KLHL1: variants seen among roughly 807,000 people sequenced by gnomAD.
KLHL1 encodes kelch-like protein 1.
KLHL1 carries 47 observed loss-of-function variants against 77.7 expected under a neutral mutation model. The ratio of observed to expected loss-of-function variants is 0.60; its 90% CI spans 0.48 to 0.77. The LOEUF (loss-of-function observed/expected upper bound fraction) is 0.77. KLHL1 is among the 30% of genes least tolerant of loss of function. KLHL1 has a pLI of 0.00. For missense variants in KLHL1, 925 were observed against 910.8 expected, an observed-to-expected ratio of 1.02 and a Z score of -0.20; for synonymous variants, 360 against 325.2, an observed-to-expected ratio of 1.11 and a Z score of -1.15.
chr13:70,075,300 G>A (rs991501622), intron 1 of KLHL1, among the ~76,000 whole-genome samples: 1 of 151,058 alleles, frequency 6.6e-6, no homozygotes, highest in Admixed American at 6.6e-5. Context: ...TCTTAGAGCT[G>A]CTCTCAGAAT....
chr13:69,936,580 G>A (rs368181631), intron 4 of KLHL1, among the ~76,000 whole-genome samples: 7 of 126,052 alleles, frequency 5.6e-5, no homozygotes, highest in South Asian at 4.9e-4. Flanking sequence ...CAGACAGAAC[G>A]AGACTCCATC....
intron 1 of KLHL1, among the ~76,000 whole-genome samples, chr13:70,007,141 A>G (rs1443056936): frequency 1.3e-5 from 2 of 152,028 alleles, no homozygotes. Context: ...ACAATATGAG[A>G]ACTTATCAAC....
chr13:70,033,565 C>G (rs1886165216), intron 1 of KLHL1, among the ~76,000 whole-genome samples: 1 of 148,816 alleles, frequency 6.7e-6, no homozygotes, highest in Non-Finnish European at 1.5e-5. Context: ...CTTGGCCTCC[C>G]AAAGTGCTGG....
chr13:69,833,733 A>C (rs2138098691), intron 6 of KLHL1, among the ~76,000 whole-genome samples: 1 of 125,536 alleles, frequency 8.0e-6, no homozygotes, highest in Admixed American at 9.5e-5. Context: ...CAATGAGTGG[A>C]TAAAGAAATA....
intron 1 of KLHL1, among the ~76,000 whole-genome samples, chr13:70,097,978 GAAT>G (rs1197829988): frequency 6.6e-6 from 1 of 151,262 alleles, no homozygotes; most frequent in Non-Finnish European, 1.5e-5. Context: ...TTACATGTCA[GAAT>G]AATGATGCTG....
chr13:69,920,774 A>T (rs1882606204), intron 4 of KLHL1, among the ~76,000 whole-genome samples: 1 of 152,106 alleles, frequency 6.6e-6, no homozygotes, highest in Non-Finnish European at 1.5e-5. Flanking sequence ...TAAGAAAAAT[A>T]AGAGAAGGTC....
intron 4 of KLHL1, among the ~76,000 whole-genome samples, chr13:69,926,167 G>A (rs1001699021): frequency 3.9e-5 from 6 of 152,140 alleles, no homozygotes; most frequent in African/African-American, 7.2e-5. Context: ...TAGGGGAGAT[G>A]CTCTCAAACA....
At chr13:69,701,795 G>C in intron 10 of KLHL1, 34 bp from the exon 11 acceptor site, 1 of 1,433,942 alleles carries the variant, frequency 7.0e-7, no homozygotes, top group Non-Finnish European at 9.6e-7. Context: ...CTTAAGACAA[G>C]TTTTCATAGA....
chr13:69,708,076 A>G (rs1307336071), intron 9 of KLHL1, among the ~76,000 whole-genome samples: 1 of 152,012 alleles, frequency 6.6e-6, no homozygotes, highest in African/African-American at 2.4e-5. Flanking sequence ...TGTCAGATAT[A>G]TAAATAACTA....
chr13:69,971,971 A>G (rs189032175), intron 2 of KLHL1, among the ~76,000 whole-genome samples: 154 of 152,154 alleles, frequency 1.0e-3, no homozygotes, highest in African/African-American at 3.4e-3. Flanking sequence ...GATCAAGAAA[A>G]CAAAAGTTTT....
chr13:69,744,602 T>C (rs1331654961), intron 7 of KLHL1, among the ~76,000 whole-genome samples: 8 of 151,610 alleles, frequency 5.3e-5, no homozygotes, highest in Non-Finnish European at 1.2e-4. Context: ...AGAATATCCC[T>C]GTATACCTAT....
At chr13:70,003,018 T>C (rs910160403) in intron 1 of KLHL1, among the ~76,000 whole-genome samples, 1 of 151,632 alleles carries the variant, frequency 6.6e-6, no homozygotes, top group Non-Finnish European at 1.5e-5. Context: ...AAATAATACC[T>C]AGATTTTACA....
At chr13:70,031,396 A>C (rs1256548948) in intron 1 of KLHL1, among the ~76,000 whole-genome samples, 1 of 152,210 alleles carries the variant, frequency 6.6e-6, no homozygotes, top group Non-Finnish European at 1.5e-5. Flanking sequence ...TCTCTGGATG[A>C]GAAAAAAAAT....
chr13:69,994,602 A>G (rs771678672), intron 1 of KLHL1, among the ~76,000 whole-genome samples: 13 of 152,152 alleles, frequency 8.5e-5, no homozygotes, highest in Non-Finnish European at 1.3e-4. Context: ...GTACTAATGT[A>G]TATGGAAAAG....
chr13:69,770,230 C>T (rs1875499571), intron 7 of KLHL1, among the ~76,000 whole-genome samples: 1 of 152,180 alleles, frequency 6.6e-6, no homozygotes, highest in Non-Finnish European at 1.5e-5. Context: ...ATGCCTGGTC[C>T]AGATGTGGGC....
At chr13:70,050,079 C>A (rs1366295398) in intron 1 of KLHL1, among the ~76,000 whole-genome samples, 2 of 151,686 alleles carry the variant, frequency 1.3e-5, no homozygotes, top group Admixed American at 1.3e-4. Flanking sequence ...ATATTGCTAC[C>A]TTTCATTGAT....
chr13:69,818,665 C>A (rs548856512), intron 6 of KLHL1, among the ~76,000 whole-genome samples: 50 of 152,156 alleles, frequency 3.3e-4, no homozygotes, highest in Non-Finnish European at 5.3e-4. Flanking sequence ...GAAGAAAATT[C>A]TTTGTGTGTG....
intron 3 of KLHL1, 97 bp downstream of exon 3, chr13:69,961,211 C>T: frequency 8.7e-7 from 1 of 1,155,608 alleles, no homozygotes; most frequent in Non-Finnish European, 1.2e-6. Context: ...ATACAGAATA[C>T]AGAATTTTTT....
chr13:69,779,448 C>CTTTCCTTTTACTGTTGT (rs1443583217), intron 7 of KLHL1, among the ~76,000 whole-genome samples: 2 of 146,764 alleles, frequency 1.4e-5, no homozygotes, highest in East Asian at 4.1e-4. Flanking sequence ...TCCTTCTTTC[C>CTTTCCTTTTACTGTTGT]TTTCCTTTTA....
Sources: gnomAD v4.1 joint callset for allele counts (sites outside exome capture counted in the v4.1 genomes callset) on GRCh38, gnomAD v4.1.1 for gene constraint, MANE v1.5 for transcripts, NCBI Gene and HGNC (gene_info 2026-07-23, HGNC 2026-07-21) for gene names.